The following USP29 variants were observed in gnomAD, a reference collection of about 807,000 sequenced individuals.
The protein encoded by USP29 is ubiquitin carboxyl-terminal hydrolase 29.
For missense variants in USP29, 1,102 were observed against 1,069.0 expected, an observed-to-expected ratio of 1.03 and a Z score of -0.43; for synonymous variants, 386 against 387.4, an observed-to-expected ratio of 1.00 and a Z score of 0.04.
rs2086810792 is a variant in USP29 at position 57,124,053 on chromosome 19, GTCA to G, written c.-102_-100del. ...TTTCTTCCTAGTAACAGCCGTGGCA[GTCA>G]GAGCTCTGCCTGCAGTGTGACCATG... On this transcript the variant is annotated 5_prime_UTR_variant, in exon 3 of 4. Coordinates refer to ENST00000254181, the MANE Select transcript of USP29 (RefSeq NM_020903.3). The G allele has an allele frequency of 2.6e-5, 4 of 152,196 alleles. No individual in the cohort carries two copies. Among genetic ancestry groups the G allele is most frequent in the African/African-American group, 9.7e-5 (4 of 41,448 alleles). 9.4% of individuals were successfully genotyped at this position (152,196 alleles called of 1,614,324 possible).
At chr19:57,121,291 TTA>T (rs1030776950) in intron 1 of USP29, among the ~76,000 whole-genome samples, 1 of 147,296 alleles carries the variant, frequency 6.8e-6, no homozygotes, top group Non-Finnish European at 1.5e-5. Context: ...TTATATATAC[TTA>T]TATATGTTAT....
chr19:57,131,416 AAGGTGACTCTTTGTAC>A lies in USP29; in HGVS notation c.2744_2759del (p.Gly915AspfsTer40). The A allele has an allele frequency of 6.2e-7, 1 of 1,613,296 alleles. No individual in the cohort carries two copies. Among genetic ancestry groups the A allele is most frequent in the Non-Finnish European group, 8.5e-7 (1 of 1,179,698 alleles). ...GGGGTGATCCCTCAGGGGGAATACGAAGGTGACTCTTTGTACAGACCTGCTTGACAGACTCACTCGG... is the reference window on the plus strand; with the variant it reads ...GGGGTGATCCCTCAGGGGGAATACGAAGACCTGCTTGACAGACTCACTCGG... On this transcript the variant is annotated frameshift_variant, in exon 4 of 4. Transcript: ENST00000254181. LOFTEE classifies it low-confidence loss of function (END_TRUNC).
Position 57,131,004 on chromosome 19 carries a change from C to T in USP29, c.2329C>T (p.Gln777Ter). 6.2e-7 allele frequency: 1 copy of T among 1,614,134 alleles called. No homozygotes were observed. Among genetic ancestry groups the T allele is most frequent in the Non-Finnish European group, 8.5e-7 (1 of 1,180,014 alleles). ...TLNQSTELRL[Q>*]KADLNHLGAL... ...CAATCAGTCTACAGAATTAAGACTT[C>T]AAAAGGCTGACCTGAATCACCTTGG... is the stretch of plus-strand genomic sequence containing the variant. The change falls in exon 4 of 4, where the codon CAA becomes TAA. Residue 777 changes from glutamine to a stop codon, truncating the protein, a stop_gained. Transcript: ENST00000254181. LOFTEE classifies it low-confidence loss of function (END_TRUNC).
At chr19:57,120,879 C>T (rs1391521520) in intron 1 of USP29, among the ~76,000 whole-genome samples, 1 of 148,658 alleles carries the variant, frequency 6.7e-6, no homozygotes, top group Non-Finnish European at 1.5e-5. Context: ...CCAAGGCGGG[C>T]GGATCAGGAG....
chr19:57,131,365 A>G lies in USP29; in HGVS notation c.2690A>G (p.Asn897Ser). The change falls in exon 4 of 4, where the codon AAC becomes AGC. Residue 897 changes from asparagine (N) to serine (S), a missense_variant. By Grantham distance (46) the Asn-to-Ser change is conservative. Transcript: ENST00000254181. ...IFEELLRKAE[N>S]SRLPSTQAGV... is the part of the protein sequence containing the mutation. ...GAGGAGCTGTTAAGAAAAGCAGAGA[A>G]CTCTCGGCTACCTAGCACACAGGCA... is the stretch of plus-strand genomic sequence containing the variant. The G allele has an allele frequency of 6.2e-7, 1 of 1,614,070 alleles. No individual in the cohort carries two copies. Among genetic ancestry groups the G allele is most frequent in the Non-Finnish European group, 8.5e-7 (1 of 1,180,016 alleles).
Position 57,129,919 on chromosome 19 carries a change from C to A in USP29, c.1244C>A (p.Ala415Asp), listed in dbSNP as rs752742083. 4 of 1,614,154 alleles carry A rather than the reference C, an allele frequency of 2.5e-6. No individual in the cohort carries two copies. The highest frequency in any genetic ancestry group is 2.2e-5 in the East Asian group (1 of 44,880). The change falls in exon 4 of 4, where the codon GCT (alanine) becomes GAT (aspartate). Residue 415 changes from alanine (A) to aspartate (D), a missense_variant. By Grantham distance (126) the Ala-to-Asp change is moderately radical. Coordinates refer to ENST00000254181, the MANE Select transcript of USP29 (RefSeq NM_020903.3). ...NSSPQMHVGS[A>D]ATKVFVCPVV... ...TCTCCACAAATGCATGTTGGTAGTG[C>A]TGCCACCAAAGTGTTTGTTTGCCCT...
intron 1 of USP29, among the ~76,000 whole-genome samples, chr19:57,120,995 T>G (rs550620151): frequency 6.0e-5 from 9 of 150,970 alleles, no homozygotes; most frequent in African/African-American, 2.2e-4. Context: ...CTCAGGAGGC[T>G]TAGGCAGGAG....
chr19:57,130,966 C>G lies in USP29; in HGVS notation c.2291C>G (p.Thr764Arg). The G allele has an allele frequency of 6.2e-7, 1 of 1,614,198 alleles. No homozygotes were observed. The highest frequency in any genetic ancestry group is 1.7e-5 in the Admixed American group (1 of 60,026). The change falls in exon 4 of 4, where the codon ACA (threonine) becomes AGA (arginine). Residue 764 changes from threonine (T) to arginine (R), a missense_variant. Transcript: ENST00000254181. The part of the protein sequence containing the change: ...GVRKLDAQEH[T>R]EETLNQSTEL... Reference sequence around the variant, plus strand: ...AGGAAGCTGGATGCCCAGGAACATACAGAAGAGACCCTCAATCAGTCTACA... The same window carrying G: ...AGGAAGCTGGATGCCCAGGAACATAGAGAAGAGACCCTCAATCAGTCTACA...
Position 57,131,158 on chromosome 19 carries a change from T to C in USP29, c.2483T>C (p.Val828Ala). The C allele has an allele frequency of 6.2e-7, 1 of 1,614,208 alleles. No homozygotes were observed. The change falls in exon 4 of 4, where the codon GTT becomes GCT. Residue 828 changes from valine (V) to alanine (A), a missense_variant. Physicochemically the swap from Val to Ala is moderately conservative, Grantham distance 64. Coordinates refer to ENST00000254181, the MANE Select transcript of USP29 (RefSeq NM_020903.3). ...DPLQAYRLIS[V>A]VSHIGSSPNS... ...CTCCAGGCCTACAGACTCATCAGTG[T>C]TGTCAGCCATATCGGGAGCTCCCCA...
Position 57,130,199 on chromosome 19 carries a change from C to T in USP29, c.1524C>T (p.Ile508=), listed in dbSNP as rs371770938. ...TTAGTAGGCTCTCCAGGGTCCTTAT[C>T]ATTCATCTGAAACGCTATAGCTTCA... is the stretch of plus-strand genomic sequence containing the variant. ...HTFSRLSRVL[I]IHLKRYSFNN... Residue 508 remains isoleucine, a synonymous_variant, in exon 4 of 4, where the codon ATC becomes ATT. Coordinates refer to ENST00000254181, the MANE Select transcript of USP29 (RefSeq NM_020903.3). The T allele has an allele frequency of 1.9e-6, 3 of 1,613,922 alleles. No individual in the cohort carries two copies. Among genetic ancestry groups the T allele is most frequent in the South Asian group, 1.1e-5 (1 of 91,058 alleles).
rs375268002 is a variant in USP29 at position 57,129,957 on chromosome 19, T to A, written c.1282T>A (p.Phe428Ile). The A allele has an allele frequency of 1.4e-5, 23 of 1,614,086 alleles. No individual in the cohort carries two copies. Among genetic ancestry groups the A allele is most frequent in the Admixed American group, 3.3e-5 (2 of 60,008 alleles). ...KVFVCPVVANFEFELQLSLIC... is the reference protein window; with the variant it reads ...KVFVCPVVANIEFELQLSLIC... ...GTTTGTTTGCCCTGTTGTTGCTAAT[T>A]TTGAGTTTGAATTGCAGCTCTCCCT... The change falls in exon 4 of 4, where the codon TTT becomes ATT. Residue 428 changes from phenylalanine to isoleucine, a missense_variant. Physicochemically the swap from Phe to Ile is conservative, Grantham distance 21. Coordinates refer to ENST00000254181, the MANE Select transcript of USP29 (RefSeq NM_020903.3).
At chr19:57,127,844 G>A (rs1212922754) in intron 3 of USP29, among the ~76,000 whole-genome samples, 1 of 152,102 alleles carries the variant, frequency 6.6e-6, no homozygotes, top group Non-Finnish European at 1.5e-5. Context: ...ATCAACTCTT[G>A]CAACTAGCTC....
Position 57,131,037 on chromosome 19 carries a change from G to A in USP29, c.2362G>A (p.Gly788Ser), listed in dbSNP as rs148519716. Residue 788 changes from glycine to serine, a missense_variant, in exon 4 of 4, where the codon GGT (glycine) becomes AGT (serine). Physicochemically the swap from Gly to Ser is moderately conservative, Grantham distance 56. Transcript: ENST00000254181. ...TGACCTGAATCACCTTGGGGCACTG[G>A]GTTCTGACAACCCAGGAAACAAAAA... is the stretch of plus-strand genomic sequence containing the variant. ...KADLNHLGAL[G>S]SDNPGNKNIL... 11 of 1,614,094 alleles carry A rather than the reference G, an allele frequency of 6.8e-6. No individual in the cohort carries two copies. The African/African-American group carries it at 1.2e-4, about 18-fold the overall frequency.
rs1261883226 is a variant in USP29, at chr19:57,130,929, C to T, written c.2254C>T (p.Pro752Ser). ...IIDEFLQQAP[P>S]PGVRKLDAQE... ...AGATGAATTTCTTCAGCAGGCACCA[C>T]CTCCAGGTGTTAGGAAGCTGGATGC... Residue 752 changes from proline (P) to serine (S), a missense_variant, in exon 4 of 4, where the codon CCT becomes TCT. Transcript: ENST00000254181. 3.1e-6 allele frequency: 5 copies of T among 1,614,056 alleles called. No homozygotes were observed. The highest frequency in any genetic ancestry group is 4.2e-6 in the Non-Finnish European group (5 of 1,180,040).
At chr19:57,119,242 A>G (rs1488293036), upstream of USP29, 1 of 152,096 alleles carries the variant, frequency 6.6e-6, no homozygotes, top group Non-Finnish European at 1.5e-5. Flanking sequence ...GCCTCCTCCT[A>G]AAGCTCGGCT....
intron 3 of USP29, among the ~76,000 whole-genome samples, chr19:57,127,775 A>G (rs1346810658): frequency 2.0e-5 from 3 of 151,822 alleles, no homozygotes; most frequent in Non-Finnish European, 4.4e-5. Context: ...CCCCCTTTCC[A>G]GGGGAGTGAA....
At position 57,128,691 on chromosome 19, in the gene USP29, G is replaced by A; in HGVS notation, c.16G>A (p.Val6Ile). ...TAAAGAAAGGATGATATCTCTAAAG[G>A]TATGTGGATTCATCCAAATTTGGAG... MISLK[V>I]CGFIQIWSQK... is the part of the protein sequence containing the mutation. Residue 6 changes from valine to isoleucine, a missense_variant, in exon 4 of 4, where the codon GTA becomes ATA. Transcript: ENST00000254181. The A allele has an allele frequency of 6.3e-7, 1 of 1,596,430 alleles. No homozygotes were observed. The highest frequency in any genetic ancestry group is 1.2e-5 in the South Asian group (1 of 86,948).
chr19:57,129,519 C>G lies in USP29; in HGVS notation c.844C>G (p.Gln282Glu). The G allele has an allele frequency of 6.2e-7, 1 of 1,614,212 alleles. No individual in the cohort carries two copies. The highest frequency in any genetic ancestry group is 1.3e-5 in the African/African-American group (1 of 75,052). Residue 282 changes from glutamine to glutamate, a missense_variant, in exon 4 of 4, where the codon CAA (glutamine) becomes GAA (glutamate). Gln to Glu is a conservative substitution (Grantham distance 29, BLOSUM62 2). Transcript: ENST00000254181. ...GGTGCCTCTTGACTCTCATTCACAG[C>G]AACTGCAGCAGGGGTTCCCCAATTT... ...AQVPLDSHSQQLQQGFPNLGN... is the reference protein window; with the variant it reads ...AQVPLDSHSQELQQGFPNLGN...
rs542749661 is a variant in USP29 at position 57,131,138 on chromosome 19, G to A, written c.2463G>A (p.Gln821=). The change falls in exon 4 of 4, where the codon CAG becomes CAA. Residue 821 remains glutamine, a synonymous_variant. Coordinates refer to ENST00000254181, the MANE Select transcript of USP29 (RefSeq NM_020903.3). Reference sequence around the variant, plus strand: ...ACGTGAAGATGGGGGATCCTCTCCAGGCCTACAGACTCATCAGTGTTGTCA... The same window carrying A: ...ACGTGAAGATGGGGGATCCTCTCCAAGCCTACAGACTCATCAGTGTTGTCA... ...TRNVKMGDPL[Q]AYRLISVVSH... The A allele has an allele frequency of 1.7e-5, 28 of 1,614,216 alleles. No individual in the cohort carries two copies. The highest frequency in any genetic ancestry group is 3.3e-5 in the South Asian group (3 of 91,082).
Sources: gnomAD v4.1 joint callset for allele counts (sites outside exome capture counted in the v4.1 genomes callset) on GRCh38, gnomAD v4.1.1 for gene constraint, MANE v1.5 for transcripts, NCBI Gene and HGNC (gene_info 2026-07-23, HGNC 2026-07-21) for gene names.